RIMS1: variants seen among roughly 807,000 people sequenced by gnomAD.
RIMS1 encodes the protein regulating synaptic membrane exocytosis 1.
Under a neutral mutation model 214.1 loss-of-function variants are expected in RIMS1, and 83 were observed. The ratio of observed to expected loss-of-function variants is 0.39; its 90% confidence interval spans 0.32 to 0.47. The LOEUF is 0.47. Among genes scored for constraint, RIMS1 ranks in the 20% least tolerant of loss-of-function variants. The probability of loss-of-function intolerance (pLI) is 0.99; values close to 1 mark genes in which losing one functional copy is unlikely to be tolerated. For synonymous variants in RIMS1, 793 were observed against 786.8 expected (o/e 1.01, Z -0.13); for missense variants, 2,050 against 2,161.8 (o/e 0.95, Z 1.03).
chr6:72,194,758 A>G (rs944929308), intron 6 of RIMS1, among the ~76,000 whole-genome samples: 1 of 152,114 alleles, frequency 6.6e-6, no homozygotes, highest in Non-Finnish European at 1.5e-5. Context: ...TACACATGCA[A>G]AGCACACACA....
At chr6:72,267,448 G>A (rs891137939) in intron 22 of RIMS1, among the ~76,000 whole-genome samples, 12 of 152,130 alleles carry the variant, frequency 7.9e-5, no homozygotes, top group South Asian at 4.2e-4. Flanking sequence ...TTAATATTTC[G>A]TAGTAGCCAT....
chr6:72,200,912 A>G (rs2051871465), intron 6 of RIMS1, among the ~76,000 whole-genome samples: 1 of 150,342 alleles, frequency 6.7e-6, no homozygotes, highest in African/African-American at 2.4e-5. Flanking sequence ...CTGAGCTAAC[A>G]TGCCAATTTC....
intron 4 of RIMS1, among the ~76,000 whole-genome samples, chr6:72,143,165 T>C (rs2042281834): frequency 6.6e-6 from 1 of 152,204 alleles, no homozygotes; most frequent in African/African-American, 2.4e-5. Context: ...AGGCTAGTGA[T>C]AAAATTCTCT....
intron 22 of RIMS1, among the ~76,000 whole-genome samples, chr6:72,271,514 G>A (rs2083370709): frequency 6.6e-6 from 1 of 151,370 alleles, no homozygotes; most frequent in African/African-American, 2.4e-5. Context: ...TTTATTTAAT[G>A]CCTTTTTTAG....
intron 6 of RIMS1, among the ~76,000 whole-genome samples, chr6:72,189,209 C>G (rs1333997622): frequency 1.3e-5 from 2 of 152,156 alleles, no homozygotes; most frequent in Non-Finnish European, 2.9e-5. Flanking sequence ...ATACACAGCC[C>G]TCTGGAGAAC....
intron 22 of RIMS1, among the ~76,000 whole-genome samples, chr6:72,267,392 A>T (rs1409242466): frequency 6.6e-6 from 1 of 152,150 alleles, no homozygotes; most frequent in Non-Finnish European, 1.5e-5. Flanking sequence ...TTTTAATATT[A>T]CCCATATCAG....
intron 4 of RIMS1, among the ~76,000 whole-genome samples, chr6:72,125,697 A>C (rs187468083): frequency 2.0e-5 from 3 of 152,142 alleles, no homozygotes; most frequent in Non-Finnish European, 4.4e-5. Context: ...GCAATGGTGG[A>C]TGCCCCTCCC....
intron 2 of RIMS1, among the ~76,000 whole-genome samples, chr6:72,034,351 A>G (rs925221681): frequency 2.0e-5 from 3 of 152,166 alleles, no homozygotes; most frequent in Non-Finnish European, 4.4e-5. Flanking sequence ...TAAATCTGTC[A>G]ATCCCGCTTA....
intron 29 of RIMS1, among the ~76,000 whole-genome samples, chr6:72,363,168 T>A (rs9446628): frequency 0.02 from 2,993 of 152,024 alleles, 94 homozygotes; most frequent in African/African-American, 0.07. Flanking sequence ...AAGGGAGTAG[T>A]GCAAGGGAAA....
At chr6:71,901,836 G>A (rs1354150335) in intron 1 of RIMS1, among the ~76,000 whole-genome samples, 5 of 152,052 alleles carry the variant, frequency 3.3e-5, no homozygotes, top group South Asian at 2.1e-4. Context: ...TGAGAACTAC[G>A]AAAGAGCTAT....
chr6:72,315,208 A>T (rs1462330181), intron 28 of RIMS1, among the ~76,000 whole-genome samples: 1 of 152,234 alleles, frequency 6.6e-6, no homozygotes, highest in Non-Finnish European at 1.5e-5. Context: ...CTATAACCAT[A>T]TCATGACAAG....
intron 2 of RIMS1, among the ~76,000 whole-genome samples, chr6:72,091,910 G>A (rs1251213834): frequency 6.6e-6 from 1 of 152,038 alleles, no homozygotes; most frequent in African/African-American, 2.4e-5. Flanking sequence ...TCACAAAAAG[G>A]TTTTACATTT....
At chr6:72,374,365 C>A (rs1226480286) in intron 29 of RIMS1, among the ~76,000 whole-genome samples, 1 of 152,178 alleles carries the variant, frequency 6.6e-6, no homozygotes, top group Non-Finnish European at 1.5e-5. Context: ...GGAAAAGCAA[C>A]CAGTCAGCAG....
chr6:72,256,347 TA>T, intron 16 of RIMS1, among the ~76,000 whole-genome samples: 1 of 152,256 alleles, frequency 6.6e-6, no homozygotes, highest in East Asian at 1.9e-4. Flanking sequence ...TAAGTTACAT[TA>T]AAAGTTGTTA....
At chr6:72,035,062 C>T (rs1819229443) in intron 2 of RIMS1, among the ~76,000 whole-genome samples, 1 of 152,104 alleles carries the variant, frequency 6.6e-6, no homozygotes, top group Non-Finnish European at 1.5e-5. Flanking sequence ...CTTGCTGCAC[C>T]ACCAGCTTGC....
chr6:72,058,528 C>T (rs2152224546), intron 2 of RIMS1, among the ~76,000 whole-genome samples: 1 of 152,342 alleles, frequency 6.6e-6, no homozygotes, highest in South Asian at 2.1e-4. Flanking sequence ...TTTCTCCCAT[C>T]CCTTGTAGGA....
At chr6:72,142,555 T>C (rs955052157) in intron 4 of RIMS1, among the ~76,000 whole-genome samples, 1 of 152,056 alleles carries the variant, frequency 6.6e-6, no homozygotes, top group Non-Finnish European at 1.5e-5. Flanking sequence ...AGATAGCTCT[T>C]TTATGAGTGG....
chr6:72,224,641 G>T (rs1369145087), intron 6 of RIMS1, among the ~76,000 whole-genome samples: 2 of 152,126 alleles, frequency 1.3e-5, no homozygotes, highest in African/African-American at 2.4e-5. Flanking sequence ...TTCCTTTCTT[G>T]AGTCAATAAG....
intron 6 of RIMS1, among the ~76,000 whole-genome samples, chr6:72,211,453 T>C (rs2053792318): frequency 6.6e-6 from 1 of 152,198 alleles, no homozygotes; most frequent in Non-Finnish European, 1.5e-5. Context: ...TTACAAGATA[T>C]AATTGTGAGC....
Sources: gnomAD v4.1 joint callset for allele counts (sites outside exome capture counted in the v4.1 genomes callset) on GRCh38, gnomAD v4.1.1 for gene constraint, MANE v1.5 for transcripts, NCBI Gene and HGNC (gene_info 2026-07-23, HGNC 2026-07-21) for gene names.